LRGUK: variants seen among roughly 807,000 people sequenced by gnomAD.
LRGUK encodes the protein leucine rich repeats and guanylate kinase domain containing.
A neutral mutation model predicts 76.0 loss-of-function variants in LRGUK; 65 were observed. The ratio of observed to expected loss-of-function variants is 0.85; its 90% confidence interval spans 0.70 to 1.05. The LOEUF is 1.05. Among genes scored for constraint, LRGUK ranks in the 50% least tolerant of loss-of-function variants. The pLI is 0.00. For synonymous variants in LRGUK, 268 were observed against 265.6 expected, an observed-to-expected ratio of 1.01 and a Z score of -0.09; for missense variants, 758 against 732.8, an observed-to-expected ratio of 1.03 and a Z score of -0.40.
intron 14 of LRGUK, among the ~76,000 whole-genome samples, chr7:134,200,730 T>C (rs1290254732): frequency 6.6e-6 from 1 of 152,232 alleles, no homozygotes; most frequent in African/African-American, 2.4e-5. Context: ...GTTAAAGTAT[T>C]ACACAGTTGA....
intron 10 of LRGUK, among the ~76,000 whole-genome samples, chr7:134,182,299 G>C (rs939040840): frequency 6.6e-6 from 1 of 152,214 alleles, no homozygotes; most frequent in Non-Finnish European, 1.5e-5. Flanking sequence ...ATTGCAAATA[G>C]AGCTGTCATG....
At chr7:134,160,565 A>T (rs1482404297) in intron 6 of LRGUK, among the ~76,000 whole-genome samples, 2 of 152,220 alleles carry the variant, frequency 1.3e-5, no homozygotes, top group African/African-American at 2.4e-5. Flanking sequence ...TACAATTTAG[A>T]GAAAGAAGAA....
At chr7:134,203,349 G>A (rs1287768702) in intron 15 of LRGUK, among the ~76,000 whole-genome samples, 1 of 152,194 alleles carries the variant, frequency 6.6e-6, no homozygotes, top group African/African-American at 2.4e-5. Context: ...TGCTTTGCAA[G>A]TATGTTCAGC....
rs542394019 is a variant in LRGUK at position 134,199,869 on chromosome 7, T to C, written c.1747+448T>C. ...TCAGAAACTAGCTTAGAAATGACCA[T>C]TTAATTTAAAGCAATAGTTCATGGG... On this transcript the variant is annotated intron_variant, in intron 14 of 15. Transcript: ENST00000645682. Among the ~76,000 whole-genome samples, 268 of 150,144 alleles carry C rather than the reference T, an allele frequency of 1.8e-3. 1 individual carries two copies. Among genetic ancestry groups the C allele is most frequent in the Middle Eastern group, 0.01 (3 of 290 alleles).
rs376955591 is a variant in LRGUK, at chr7:134,178,934, A to AAAAAAAAAAAAAAAAAAC, written c.1214+339_1214+340insAAACAAAAAAAAAAAAAA. Among the ~76,000 whole-genome samples, 10 of 78,164 alleles carry AAAAAAAAAAAAAAAAAAC rather than the reference A, an allele frequency of 1.3e-4. No individual in the cohort carries two copies. The East Asian group carries it at 1.5e-3, about 12-fold the overall frequency. The allele number at this position is 78,164 out of a possible 152,430, so 51.3% of individuals were successfully genotyped here. ...ACACAACAGTGAAATCTCAAAAAAAAAAAAAAAAAAAAAACCAGGACCAAT... is the reference window on the plus strand; with the variant it reads ...ACACAACAGTGAAATCTCAAAAAAAAAAAAAAAAAAAAAAAAACAAAAAAAAAAAAAACCAGGACCAAT... On this transcript the variant is annotated intron_variant, in intron 10 of 15. Transcript: ENST00000645682.
intron 16 of LRGUK, among the ~76,000 whole-genome samples, chr7:134,232,921 C>T (rs1268488452): frequency 6.6e-6 from 1 of 152,130 alleles, no homozygotes; most frequent in Non-Finnish European, 1.5e-5. Flanking sequence ...ATTTGAACAT[C>T]TCTAAGAGAA....
chr7:134,192,754 A>G (rs528273650), intron 12 of LRGUK, among the ~76,000 whole-genome samples: 19 of 152,096 alleles, frequency 1.2e-4, no homozygotes, highest in Middle Eastern at 3.4e-3. Context: ...CATGGCCCTT[A>G]TTTTTGTTTA....
chr7:134,140,182 A>G (rs1372930411), intron 3 of LRGUK, among the ~76,000 whole-genome samples: 1 of 151,940 alleles, frequency 6.6e-6, no homozygotes, highest in East Asian at 1.9e-4. Context: ...GTTGGCCAGG[A>G]TGGTCTGGAA....
At chr7:134,176,307 G>A (rs1165565954) in intron 8 of LRGUK, among the ~76,000 whole-genome samples, 1 of 152,176 alleles carries the variant, frequency 6.6e-6, no homozygotes, top group Non-Finnish European at 1.5e-5. Flanking sequence ...GATGGGTGCA[G>A]CAAACCATCG....
intron 18 of LRGUK, among the ~76,000 whole-genome samples, chr7:134,251,820 T>C (rs1044328085): frequency 6.6e-6 from 1 of 152,166 alleles, no homozygotes; most frequent in Non-Finnish European, 1.5e-5. Flanking sequence ...TCAGTCTAGG[T>C]ATAAATCTAA....
chr7:134,141,255 G>A (rs1797753626), intron 3 of LRGUK, among the ~76,000 whole-genome samples: 3 of 152,134 alleles, frequency 2.0e-5, no homozygotes, highest in African/African-American at 7.2e-5. Flanking sequence ...CCTGGTGCAG[G>A]CCAAACTTCA....
At chr7:134,208,982 C>G (rs1010163635) in exon 16 of LRGUK, 48 of 399,134 alleles carry the variant, frequency 1.2e-4, no homozygotes, top group Non-Finnish European at 5.3e-5. Flanking sequence ...GGGTCTTCCT[C>G]AGCAGGCCCA....
chr7:134,207,358 T>G (rs572111206), intron 15 of LRGUK, among the ~76,000 whole-genome samples: 4 of 152,348 alleles, frequency 2.6e-5, no homozygotes, highest in Non-Finnish European at 5.9e-5. Flanking sequence ...CTTTCTTTTC[T>G]CTATGAGTTT....
intron 7 of LRGUK, among the ~76,000 whole-genome samples, chr7:134,168,727 G>A (rs73439451): frequency 0.041 from 6,247 of 152,154 alleles, 388 homozygotes; most frequent in African/African-American, 0.13. Context: ...ATGACTCCCG[G>A]GTTTGCAGCT....
chr7:134,208,661 T>G (rs1363477168), intron 15 of LRGUK: 1 of 398,390 alleles, frequency 2.5e-6, no homozygotes. Flanking sequence ...TTCTAAGCAG[T>G]TAGTTAACTT....
At chr7:134,173,914 T>C (rs1420781167) in intron 7 of LRGUK, among the ~76,000 whole-genome samples, 1 of 152,012 alleles carries the variant, frequency 6.6e-6, no homozygotes, top group East Asian at 1.9e-4. Flanking sequence ...ATCAAGACCA[T>C]CCTGGCCAGC....
At chr7:134,228,674 CTA>C (rs1314598888) in intron 16 of LRGUK, among the ~76,000 whole-genome samples, 7 of 151,680 alleles carry the variant, frequency 4.6e-5, no homozygotes, top group African/African-American at 1.7e-4. Flanking sequence ...AAAAATGAAA[CTA>C]AATTTATGAC....
chr7:134,265,672 G>T (rs1302078241), downstream of LRGUK, among the ~76,000 whole-genome samples: 1 of 152,120 alleles, frequency 6.6e-6, no homozygotes, highest in African/African-American at 2.4e-5. Flanking sequence ...CTGTAACAAG[G>T]TTCTCCTCCT....
rs1188181669 is a variant in LRGUK, at chr7:134,158,176, G to A, written c.795+17G>A. ...CTTTGTCTGGTGAGTCTAACAAAATGCTGTTCTTTATAGAAGTAGTAGTTA... is the reference window on the plus strand; with the variant it reads ...CTTTGTCTGGTGAGTCTAACAAAATACTGTTCTTTATAGAAGTAGTAGTTA... On this transcript the variant is annotated intron_variant, in intron 6 of 15. Coordinates refer to ENST00000645682, the Ensembl canonical transcript of LRGUK. 1 of 1,605,536 alleles carries A rather than the reference G, an allele frequency of 6.2e-7. No individual in the cohort carries two copies. Among genetic ancestry groups the A allele is most frequent in the Admixed American group, 1.7e-5 (1 of 59,898 alleles).
Sources: gnomAD v4.1 joint callset for allele counts (sites outside exome capture counted in the v4.1 genomes callset) on GRCh38, gnomAD v4.1.1 for gene constraint, MANE v1.5 for transcripts, NCBI Gene and HGNC (gene_info 2026-07-23, HGNC 2026-07-21) for gene names.